Variants in GTF3C3 observed in about 807,000 individuals in gnomAD.
The protein encoded by GTF3C3 is general transcription factor IIIC subunit 3.
A neutral mutation model predicts 105.2 loss-of-function variants in GTF3C3; 75 were observed. The ratio of observed to expected loss-of-function variants is 0.71; its 90% CI spans 0.59 to 0.86. The LOEUF (loss-of-function observed/expected upper bound fraction) is 0.86, where lower values mean the gene tolerates loss of function less well. Among genes scored for constraint, GTF3C3 ranks in the 40% least tolerant of loss-of-function variants. GTF3C3 has a pLI of 0.00. For missense variants in GTF3C3, 856 were observed against 1,076.5 expected (o/e 0.80, Z 2.87); for synonymous variants, 335 against 370.4 (o/e 0.90, Z 1.10).
chr2:196,776,349 A>C lies in GTF3C3; in HGVS notation c.1593+78T>G. On this transcript the variant is annotated intron_variant, in intron 11 of 17. Coordinates refer to ENST00000263956, the MANE Select transcript of GTF3C3 (RefSeq NM_012086.5). The surrounding 1 kb of genome is among the most constrained non-coding windows in gnomAD (Gnocchi z 4.5). Reference sequence around the variant, plus strand: ...AAATAAAATTTTGGATATAAGCTATAGAGACATCCTTAATGGAGGAGAAAG... The same window carrying C: ...AAATAAAATTTTGGATATAAGCTATCGAGACATCCTTAATGGAGGAGAAAG... 6.7e-5 allele frequency: 80 copies of C among 1,192,928 alleles called. No homozygotes were observed. Among genetic ancestry groups the C allele is most frequent in the Non-Finnish European group, 9.2e-5 (76 of 825,120 alleles). The allele number at this position is 1,192,928 out of a possible 1,614,324, so 73.9% of individuals were successfully genotyped here.
intron 2 of GTF3C3, among the ~76,000 whole-genome samples, chr2:196,794,352 GA>G (rs1699600788): frequency 6.6e-6 from 1 of 152,074 alleles, no homozygotes; most frequent in South Asian, 2.1e-4. Flanking sequence ...CATATTTCTA[GA>G]AAAGTTCCAA....
At chr2:196,768,522 T>C (rs922231409) in intron 16 of GTF3C3, among the ~76,000 whole-genome samples, 1 of 151,958 alleles carries the variant, frequency 6.6e-6, no homozygotes, top group African/African-American at 2.4e-5. Flanking sequence ...ATAAAAAAAA[T>C]TTTTTTAGGT....
At chr2:196,779,092 G>A (rs752133068) in intron 9 of GTF3C3, 25 bp from the exon 10 acceptor site, 75 of 1,555,216 alleles carry the variant, frequency 4.8e-5, no homozygotes, top group Non-Finnish European at 6.1e-5. Context: ...AAAGCCCCAA[G>A]TTAAACATTC....
At position 196,773,610 on chromosome 2, in the gene GTF3C3, G is replaced by C. The variant is rs567232780; in HGVS notation, c.1832-457C>G. On this transcript the variant is annotated intron_variant, in intron 13 of 17. Transcript: ENST00000263956. ...ATAATTCAAGCACATTACATTTATTGTGCACTTTATTTCCATTATTATTGT... is the reference window on the plus strand; with the variant it reads ...ATAATTCAAGCACATTACATTTATTCTGCACTTTATTTCCATTATTATTGT... 35 of 401,790 alleles carry C rather than the reference G, an allele frequency of 8.7e-5. No individual in the cohort carries two copies. In the East Asian group the frequency reaches 2.5e-3, roughly 29 times the overall value. The allele number at this position is 401,790 out of a possible 1,614,324, so 24.9% of individuals were successfully genotyped here. A position where few individuals can be genotyped will look rare whatever the true frequency, so the allele number is the denominator to read the frequency against.
rs753331343 is a variant in GTF3C3 at position 196,763,228 on chromosome 2, A to C, written c.*1335T>G. ...TTTAAAAGCTAAACAAAACTATACA[A>C]TATCAGCTGGTTTTTTTTTCCCTTA... On this transcript the variant is annotated 3_prime_UTR_variant, in exon 18 of 18. Transcript: ENST00000263956. The C allele has an allele frequency of 3.3e-5, 5 of 152,262 alleles. No individual in the cohort carries two copies. Among genetic ancestry groups the C allele is most frequent in the Non-Finnish European group, 1.5e-5 (1 of 68,012 alleles). The allele number at this position is 152,262 out of a possible 1,614,324, so 9.4% of individuals were successfully genotyped here.
chr2:196,778,784 A>G, intron 10 of GTF3C3, 112 bp downstream of exon 10: 1 of 939,624 alleles, frequency 1.1e-6, no homozygotes, highest in Non-Finnish European at 1.7e-6. Flanking sequence ...CTTTCAAAAA[A>G]CTCCCCTGAA....
rs1698997965 is a variant in GTF3C3 at position 196,763,076 on chromosome 2, G to T, written c.*1487C>A. ...ATTTAATCTCTAGATACAAAGTGGTGATGACAATATCAATAATAACTACCT... is the reference window on the plus strand; with the variant it reads ...ATTTAATCTCTAGATACAAAGTGGTTATGACAATATCAATAATAACTACCT... On this transcript the variant is annotated 3_prime_UTR_variant, in exon 18 of 18. Transcript: ENST00000263956. 6.6e-6 allele frequency: 1 copy of T among 152,184 alleles called. No homozygotes were observed. The highest frequency in any genetic ancestry group is 1.5e-5 in the Non-Finnish European group (1 of 68,038). 9.4% of individuals were successfully genotyped at this position (152,184 alleles called of 1,614,324 possible). A position where few individuals can be genotyped will look rare whatever the true frequency, so the allele number is the denominator to read the frequency against.
chr2:196,782,431 T>G (rs919228349), intron 8 of GTF3C3, among the ~76,000 whole-genome samples: 2 of 152,246 alleles, frequency 1.3e-5, no homozygotes, highest in African/African-American at 4.8e-5. Flanking sequence ...AATTATAGTA[T>G]ATGAAATACT....
chr2:196,791,694 G>T (rs1699551897), intron 3 of GTF3C3: 2 of 371,068 alleles, frequency 5.4e-6, no homozygotes, highest in African/African-American at 4.1e-5. Flanking sequence ...CCAGCACTTT[G>T]GGAGGCTGAA....
chr2:196,797,912 T>C lies in GTF3C3; in HGVS notation c.103-4A>G. ...ACTTGCCTTTTTCCTGAAGACTCTGTGATTGCAAATTAATTAATGATTCCA... is the reference window on the plus strand; with the variant it reads ...ACTTGCCTTTTTCCTGAAGACTCTGCGATTGCAAATTAATTAATGATTCCA... On this transcript the variant is annotated splice_region_variant and splice_polypyrimidine_tract_variant and intron_variant, in intron 1 of 17. Coordinates refer to ENST00000263956, the MANE Select transcript of GTF3C3 (RefSeq NM_012086.5). 1 of 1,477,316 alleles carries C rather than the reference T, an allele frequency of 6.8e-7. No individual in the cohort carries two copies. The highest frequency in any genetic ancestry group is 1.1e-5 in the South Asian group (1 of 88,346). 91.5% of individuals were successfully genotyped at this position (1,477,316 alleles called of 1,614,324 possible).
chr2:196,775,024 T>C (rs1328623878), intron 13 of GTF3C3, 92 bp downstream of exon 13: 1 of 831,188 alleles, frequency 1.2e-6, no homozygotes, highest in Non-Finnish European at 1.9e-6. Context: ...TTGAAAAGTA[T>C]ATTTTCAATT....
intron 12 of GTF3C3, 92 bp downstream of exon 12, chr2:196,775,918 A>C (rs559021201): frequency 3.6e-6 from 2 of 552,172 alleles, no homozygotes; most frequent in African/African-American, 4.0e-5. Context: ...AATGAAGAAA[A>C]ACAATTATAA....
chr2:196,784,381 A>C (rs1045305094), intron 8 of GTF3C3, among the ~76,000 whole-genome samples: 3 of 152,174 alleles, frequency 2.0e-5, no homozygotes, highest in Non-Finnish European at 2.9e-5. Context: ...TGCAAGCCAC[A>C]CTTAGGTATA....
intron 15 of GTF3C3, among the ~76,000 whole-genome samples, chr2:196,770,798 AT>A (rs1325342887): frequency 3.3e-5 from 5 of 152,226 alleles, no homozygotes. Flanking sequence ...CCATTTGTCT[AT>A]CATTTTAACC....
chr2:196,781,208 T>C (rs1447593149), intron 8 of GTF3C3, among the ~76,000 whole-genome samples: 3 of 147,056 alleles, frequency 2.0e-5, no homozygotes, highest in Non-Finnish European at 4.5e-5. Context: ...TCCTAAGTGG[T>C]GAAATAAAAA....
intron 13 of GTF3C3, 34 bp from the exon 14 acceptor site, chr2:196,773,187 C>T (rs1437659304): frequency 2.6e-6 from 3 of 1,175,932 alleles, no homozygotes; most frequent in Non-Finnish European, 2.5e-6. Context: ...AGTTAGGACA[C>T]TGTATTTCCA....
intron 17 of GTF3C3, 36 bp downstream of exon 17, chr2:196,766,529 G>A (rs749205845): frequency 1.3e-6 from 2 of 1,538,876 alleles, no homozygotes; most frequent in Non-Finnish European, 1.8e-6. Context: ...ACAGACAGAT[G>A]AAATGAAGTG....
chr2:196,772,913 C>A lies in GTF3C3; in HGVS notation c.2069+3G>T. 7.6e-7 allele frequency: 1 copy of A among 1,317,870 alleles called. No homozygotes were observed. The highest frequency in any genetic ancestry group is 1.4e-5 in the South Asian group (1 of 70,726). The allele number at this position is 1,317,870 out of a possible 1,614,324, so 81.6% of individuals were successfully genotyped here. A position where few individuals can be genotyped will look rare whatever the true frequency, so the allele number is the denominator to read the frequency against. On this transcript the variant is annotated splice_donor_region_variant and intron_variant, in intron 14 of 17. Coordinates refer to ENST00000263956, the MANE Select transcript of GTF3C3 (RefSeq NM_012086.5). ...TAATTAAAATAAATAACTGGGAAAT[C>A]ACCTGATATAGTTGTATGCCTTTCT...
intron 15 of GTF3C3, among the ~76,000 whole-genome samples, chr2:196,770,876 A>G (rs1285260574): frequency 6.6e-6 from 1 of 152,182 alleles, no homozygotes; most frequent in Non-Finnish European, 1.5e-5. Flanking sequence ...ACAATTCCAC[A>G]AAGCACACAC....
Sources: allele counts gnomAD v4.1 joint callset (sites outside exome capture counted in the v4.1 genomes callset), GRCh38; gene constraint gnomAD v4.1.1; non-coding constraint Gnocchi (gnomAD v3.1); transcripts MANE v1.5; gene names NCBI Gene and HGNC (gene_info 2026-07-23, HGNC 2026-07-21).